NUB1: variants seen among roughly 807,000 people sequenced by gnomAD.
NUB1 encodes the protein negative regulator of ubiquitin like proteins 1, also known as NEDD8 ultimate buster 1.
NUB1 carries 41 observed loss-of-function variants against 77.1 expected under a neutral mutation model. That is an observed-to-expected ratio of 0.53 (90% CI 0.41 to 0.69). NUB1 has a LOEUF of 0.69. Ranked by LOEUF, NUB1 falls within the 30% of genes least tolerant of loss-of-function variation. NUB1 has a pLI of 0.00. For missense variants in NUB1, 643 were observed against 743.8 expected, an observed-to-expected ratio of 0.86 and a Z score of 1.58; for synonymous variants, 257 against 281.0, an observed-to-expected ratio of 0.91 and a Z score of 0.85.
chr7:151,367,000 G>C lies in NUB1; in HGVS notation c.862G>C (p.Val288Leu). The stretch of plus-strand genomic sequence containing the variant: ...CTACGCCGTCCTCCAGCTGGATATA[G>C]TGTGGTGTTACTTCCGCCTGGAACA... ...DNYAVLQLDI[V>L]WCYFRLEQLE... The change falls in exon 9 of 15, where the codon GTG becomes CTG. Residue 288 changes from valine (V) to leucine (L), a missense_variant. Val to Leu is a conservative substitution (Grantham distance 32). Transcript: ENST00000568733. The C allele has an allele frequency of 1.2e-6, 2 of 1,613,854 alleles. No individual in the cohort carries two copies. The highest frequency in any genetic ancestry group is 8.5e-7 in the Non-Finnish European group (1 of 1,179,806).
In NUB1 at chr7:151,377,234, C is replaced by CAGAAAT; in HGVS notation, c.*12_*17dup. The CAGAAAT allele has an allele frequency of 6.6e-7, 1 of 1,507,914 alleles. No homozygotes were observed. The highest frequency in any genetic ancestry group is 8.9e-7 in the Non-Finnish European group (1 of 1,118,578). 93.4% of individuals were successfully genotyped at this position (1,507,914 alleles called of 1,614,324 possible). A position where few individuals can be genotyped will look rare whatever the true frequency, so the allele number is the denominator to read the frequency against. ...CAACAAAGAAAAACTAAATAATGAA[C>CAGAAAT]AGAAATAGCGCTAATTTTCTGCTTA... On this transcript the variant is annotated 3_prime_UTR_variant, in exon 15 of 15. Coordinates refer to ENST00000568733, the MANE Select transcript of NUB1 (RefSeq NM_001243351.2).
chr7:151,350,948 A>G (rs1796765696), intron 3 of NUB1, among the ~76,000 whole-genome samples: 1 of 152,344 alleles, frequency 6.6e-6, no homozygotes, highest in Middle Eastern at 3.4e-3. Context: ...TGCGTCCACA[A>G]CGTGGGTGCA....
intron 1 of NUB1, among the ~76,000 whole-genome samples, chr7:151,342,479 T>C (rs995029385): frequency 6.6e-6 from 1 of 152,254 alleles, no homozygotes; most frequent in Admixed American, 6.5e-5. Context: ...AGGATCGTTA[T>C]AACGTTTCAC....
At chr7:151,341,986 C>G in intron 1 of NUB1, 140 bp downstream of exon 1, 4 of 1,291,052 alleles carry the variant, frequency 3.1e-6, no homozygotes, top group Non-Finnish European at 2.9e-6. Flanking sequence ...ATGCGTGGAG[C>G]TGGGCCGGGG....
intron 11 of NUB1, among the ~76,000 whole-genome samples, chr7:151,371,655 G>A (rs866941661): frequency 8.3e-4 from 126 of 152,316 alleles, no homozygotes; most frequent in African/African-American, 2.8e-3. Context: ...AGCTCCTATC[G>A]GAGCTTTAGA....
At chr7:151,369,629 T>A (rs1481628924) in intron 11 of NUB1, among the ~76,000 whole-genome samples, 4 of 152,236 alleles carry the variant, frequency 2.6e-5, no homozygotes, top group Non-Finnish European at 5.9e-5. Context: ...AGCATCCTTA[T>A]TCTATCCAAT....
intron 12 of NUB1, 130 bp downstream of exon 12, chr7:151,374,373 C>G: frequency 8.3e-7 from 1 of 1,212,066 alleles, no homozygotes; most frequent in African/African-American, 1.5e-5. Flanking sequence ...ATCTGAAGGG[C>G]AGGTTTCTCC....
At chr7:151,356,906 AG>A (rs1272294135) in intron 7 of NUB1, among the ~76,000 whole-genome samples, 1 of 152,034 alleles carries the variant, frequency 6.6e-6, no homozygotes, top group African/African-American at 2.4e-5. Flanking sequence ...TAGTAGAGAC[AG>A]GGTTTCTCCA....
chr7:151,343,294 C>A (rs1049800722), intron 1 of NUB1, among the ~76,000 whole-genome samples: 1 of 152,162 alleles, frequency 6.6e-6, no homozygotes, highest in African/African-American at 2.4e-5. Flanking sequence ...CTTTTCTCCT[C>A]CCTGTCCTGA....
chr7:151,341,961 C>T (rs758401549), intron 1 of NUB1, 115 bp downstream of exon 1: 2 of 1,331,492 alleles, frequency 1.5e-6, no homozygotes, highest in Non-Finnish European at 9.6e-7. Context: ...GGCCGCGGGG[C>T]GGGGGTGAGC....
At chr7:151,358,224 G>T (rs890973403) in intron 7 of NUB1, among the ~76,000 whole-genome samples, 1 of 151,942 alleles carries the variant, frequency 6.6e-6, no homozygotes. Context: ...CGCCTGCCTC[G>T]GCCTCCCAAA....
intron 10 of NUB1, among the ~76,000 whole-genome samples, chr7:151,368,364 G>A (rs1797795849): frequency 6.6e-6 from 1 of 152,186 alleles, no homozygotes; most frequent in African/African-American, 2.4e-5. Context: ...TGCACCCAGC[G>A]CTGTGGCTGC....
chr7:151,358,416 A>G (rs1336061601), intron 7 of NUB1, among the ~76,000 whole-genome samples: 1 of 152,152 alleles, frequency 6.6e-6, no homozygotes, highest in Non-Finnish European at 1.5e-5. Flanking sequence ...GCTTGTTAGG[A>G]ACTGGGCCAC....
Position 151,341,843 on chromosome 7 carries a change from G to A in NUB1, c.-6G>A. The A allele has an allele frequency of 6.6e-7, 1 of 1,505,112 alleles. No individual in the cohort carries two copies. Among genetic ancestry groups the A allele is most frequent in the Admixed American group, 2.1e-5 (1 of 46,880 alleles). 93.2% of individuals were successfully genotyped at this position (1,505,112 alleles called of 1,614,324 possible). ...CTGGTCGCGGCGGGAGTGGCGTGGC[G>A]CAGGTGAGGACACGGCGGCCGAGTG... On this transcript the variant is annotated 5_prime_UTR_variant, in exon 1 of 15. Coordinates refer to ENST00000568733, the MANE Select transcript of NUB1 (RefSeq NM_001243351.2).
Position 151,370,504 on chromosome 7 carries a change from TTTA to T in NUB1, c.1248+1623_1248+1625del, listed in dbSNP as rs754474978. 3.9e-5 allele frequency among the ~76,000 whole-genome samples: 6 copies of T among 152,236 alleles called. 1 individual carries two copies. Among genetic ancestry groups the T allele is most frequent in the Middle Eastern group, 3.4e-3 (1 of 290 alleles). On this transcript the variant is annotated intron_variant, in intron 11 of 14. Transcript: ENST00000568733. Reference sequence around the variant, plus strand: ...ACTATTACTCCACTACCAGTAAGAATTTATTATTTTTATTTTTATTTATTTTTT... The same window carrying T: ...ACTATTACTCCACTACCAGTAAGAATTTATTTTTATTTTTATTTATTTTTT...
rs748754266 is a variant in NUB1, at chr7:151,377,268, A to G, written c.*43A>G. The G allele has an allele frequency of 1.5e-6, 2 of 1,333,050 alleles. No individual in the cohort carries two copies. Among genetic ancestry groups the G allele is most frequent in the Middle Eastern group, 2.2e-4 (1 of 4,562 alleles). The allele number at this position is 1,333,050 out of a possible 1,614,324, so 82.6% of individuals were successfully genotyped here. A position where few individuals can be genotyped will look rare whatever the true frequency, so the allele number is the denominator to read the frequency against. The stretch of plus-strand genomic sequence containing the variant: ...CGCTAATTTTCTGCTTATAAATGCT[A>G]TCATTATGAAAAGGCTAATGCAGCT... On this transcript the variant is annotated 3_prime_UTR_variant, in exon 15 of 15. Transcript: ENST00000568733.
intron 11 of NUB1, among the ~76,000 whole-genome samples, chr7:151,373,396 C>G (rs1292060398): frequency 2.6e-5 from 4 of 152,154 alleles, no homozygotes; most frequent in Admixed American, 1.3e-4. Flanking sequence ...GGGAACTCTC[C>G]TGATTGGCCC....
chr7:151,342,765 C>T (rs1237678860), intron 1 of NUB1, among the ~76,000 whole-genome samples: 2 of 152,150 alleles, frequency 1.3e-5, no homozygotes, highest in Non-Finnish European at 2.9e-5. Context: ...GTGTCTGACA[C>T]GCACTGGGTT....
rs1033750801 is a variant in NUB1 at position 151,378,377 on chromosome 7, T to C, written c.*1152T>C. On this transcript the variant is annotated 3_prime_UTR_variant, in exon 15 of 15. Transcript: ENST00000568733. ...GTGTGGGTGGTCCAGTTTGGACTGA[T>C]GGGAATCTTCTTGTCATTCTTTTTA... 9.2e-5 allele frequency: 14 copies of C among 152,252 alleles called. No individual in the cohort carries two copies. The highest frequency in any genetic ancestry group is 3.4e-4 in the African/African-American group (14 of 41,464). 9.4% of individuals were successfully genotyped at this position (152,252 alleles called of 1,614,324 possible).
Sources: gnomAD v4.1 joint callset for allele counts (sites outside exome capture counted in the v4.1 genomes callset) on GRCh38, gnomAD v4.1.1 for gene constraint, MANE v1.5 for transcripts, NCBI Gene and HGNC (gene_info 2026-07-23, HGNC 2026-07-21) for gene names.